COP1: variants seen among roughly 807,000 people sequenced by gnomAD.
COP1 encodes the protein COP1 E3 ubiquitin ligase.
COP1 carries 24 observed loss-of-function variants against 101.3 expected under a neutral mutation model. The ratio of observed to expected loss-of-function variants is 0.24; its 90% CI spans 0.17 to 0.33. The LOEUF (loss-of-function observed/expected upper bound fraction) is 0.33. COP1 is among the 10% of genes least tolerant of loss of function. The pLI is 1.00. For missense variants in COP1, 663 were observed against 906.2 expected (o/e 0.73, Z 3.45); for synonymous variants, 347 against 341.9 (o/e 1.01, Z -0.17).
chr1:175,956,028 A>G (rs1650607507), intron 18 of COP1, among the ~76,000 whole-genome samples: 2 of 152,216 alleles, frequency 1.3e-5, no homozygotes, highest in South Asian at 4.1e-4. Context: ...CAAAGACATT[A>G]TAATAGTTAA....
intron 5 of COP1, among the ~76,000 whole-genome samples, chr1:176,161,609 A>T (rs1292531247): frequency 6.6e-6 from 1 of 152,124 alleles, no homozygotes; most frequent in Non-Finnish European, 1.5e-5. Flanking sequence ...CCCTTAAAAA[A>T]AAAAGAAAGT....
intron 18 of COP1, among the ~76,000 whole-genome samples, chr1:175,981,709 G>A (rs1406529796): frequency 6.6e-6 from 1 of 152,058 alleles, no homozygotes; most frequent in African/African-American, 2.4e-5. Context: ...AGAGTGAAAA[G>A]ACAACATGTG....
Position 176,085,761 on chromosome 1 carries a change from G to C in COP1, c.1141+15C>G. 7.1e-7 allele frequency: 1 copy of C among 1,401,648 alleles called. No homozygotes were observed. The highest frequency in any genetic ancestry group is 1.0e-6 in the Non-Finnish European group (1 of 998,962). 86.8% of individuals were successfully genotyped at this position (1,401,648 alleles called of 1,614,324 possible). A position where few individuals can be genotyped will look rare whatever the true frequency, so the allele number is the denominator to read the frequency against. ...ATGTAGATTTCAGATAATTTGAGAA[G>C]GTCTAAATATATACCTGAGATACGA... On this transcript the variant is annotated intron_variant, in intron 10 of 19. Coordinates refer to ENST00000367669, the MANE Select transcript of COP1 (RefSeq NM_022457.7).
intron 11 of COP1, among the ~76,000 whole-genome samples, chr1:176,049,409 A>C (rs576551489): frequency 1.3e-5 from 2 of 152,192 alleles, no homozygotes; most frequent in Admixed American, 1.3e-4. Context: ...TAATATATTA[A>C]GGTATCAAGA....
chr1:175,998,053 AGAGTAT>A (rs1288132880), intron 15 of COP1, among the ~76,000 whole-genome samples: 1 of 128,268 alleles, frequency 7.8e-6, no homozygotes, highest in Non-Finnish European at 1.6e-5. Context: ...CCTAAAACTT[AGAGTAT>A]AATTAAAAAA....
Position 176,179,168 on chromosome 1 carries a change from T to C in COP1, c.468-3161A>G, listed in dbSNP as rs760252771. 8.6e-5 allele frequency among the ~76,000 whole-genome samples: 13 copies of C among 151,684 alleles called. 1 individual carries two copies. The highest frequency in any genetic ancestry group is 6.6e-4 in the Admixed American group (10 of 15,214). ...TAGCGGGCATATTGGTGCACACCTATAGTCCTAGCTACTCAGTAGGCCGAG... is the reference window on the plus strand; with the variant it reads ...TAGCGGGCATATTGGTGCACACCTACAGTCCTAGCTACTCAGTAGGCCGAG... On this transcript the variant is annotated intron_variant, in intron 2 of 19. Coordinates refer to ENST00000367669, the MANE Select transcript of COP1 (RefSeq NM_022457.7).
At chr1:176,074,714 A>T (rs1013800046) in intron 11 of COP1, among the ~76,000 whole-genome samples, 1 of 151,990 alleles carries the variant, frequency 6.6e-6, no homozygotes, top group Non-Finnish European at 1.5e-5. Flanking sequence ...ATTCAACACT[A>T]CATTAAATCA....
chr1:176,157,476 A>G (rs1693654031), intron 5 of COP1, among the ~76,000 whole-genome samples: 2 of 152,176 alleles, frequency 1.3e-5, no homozygotes, highest in Admixed American at 6.5e-5. Context: ...TGCTTTCCAG[A>G]CAAAGGGCCA....
At chr1:176,197,187 C>T (rs938679999) in intron 1 of COP1, among the ~76,000 whole-genome samples, 7 of 152,106 alleles carry the variant, frequency 4.6e-5, no homozygotes, top group African/African-American at 1.7e-4. Context: ...TGAGAGGTGA[C>T]AAAGCTATGA....
chr1:175,992,316 C>G (rs758594608), intron 15 of COP1, among the ~76,000 whole-genome samples: 1 of 152,152 alleles, frequency 6.6e-6, no homozygotes, highest in Non-Finnish European at 1.5e-5. Flanking sequence ...CCAGAGTGAG[C>G]GACGCAGAAG....
rs759451215 is a variant in COP1, at chr1:176,085,784, C to T, written c.1133G>A (p.Arg378His). 3.8e-6 allele frequency: 6 copies of T among 1,576,474 alleles called. No individual in the cohort carries two copies. Among genetic ancestry groups the T allele is most frequent in the Admixed American group, 3.4e-5 (2 of 59,398 alleles). The change falls in exon 10 of 20, where the codon CGT becomes CAT. Residue 378 changes from arginine to histidine, a missense_variant. By Grantham distance (29) the Arg-to-His change is conservative. Coordinates refer to ENST00000367669, the MANE Select transcript of COP1 (RefSeq NM_022457.7). ...AAGGTCTAAATATATACCTGAGATA[C>T]GAGACATCCTTGTAGAAAAGTAACA... ...EQCYFSTRMSRISDDSRTASQ... is the reference protein window; with the variant it reads ...EQCYFSTRMSHISDDSRTASQ...
chr1:176,082,115 A>C lies in COP1; in HGVS notation c.1142-828T>G, dbSNP rs1679255369. Among the ~76,000 whole-genome samples, 3 of 152,208 alleles carry C rather than the reference A, an allele frequency of 2.0e-5. No homozygotes were observed. The South Asian group carries it at 6.2e-4, about 31-fold the overall frequency. The stretch of plus-strand genomic sequence containing the variant: ...ATTAATAGAAGCAGACCTACACTAA[A>C]AGCATAGATTTAAAAAATCATTGCT... On this transcript the variant is annotated intron_variant, in intron 10 of 19. Transcript: ENST00000367669.
intron 18 of COP1, among the ~76,000 whole-genome samples, chr1:175,964,425 G>A (rs142750700): frequency 6.6e-6 from 1 of 151,944 alleles, no homozygotes; most frequent in Non-Finnish European, 1.5e-5. Context: ...TTTTACTGGG[G>A]AAAAAAAGCC....
intron 18 of COP1, among the ~76,000 whole-genome samples, chr1:175,971,358 A>G (rs1269444680): frequency 6.6e-6 from 1 of 152,202 alleles, no homozygotes; most frequent in African/African-American, 2.4e-5. Context: ...ACTTAATCAG[A>G]TAAAATTTAT....
chr1:176,190,504 G>C (rs1051002020), intron 1 of COP1, among the ~76,000 whole-genome samples: 1 of 143,716 alleles, frequency 7.0e-6, no homozygotes, highest in African/African-American at 2.5e-5. Flanking sequence ...CTTGCCAAAA[G>C]ATAATGTATG....
chr1:176,063,142 C>T (rs554446249), intron 11 of COP1, among the ~76,000 whole-genome samples: 1 of 138,292 alleles, frequency 7.2e-6, no homozygotes, highest in African/African-American at 2.7e-5. Context: ...TCACTGCAAG[C>T]TCCGCTTCCT....
chr1:176,036,590 G>A (rs906344572), intron 14 of COP1, among the ~76,000 whole-genome samples: 2 of 150,444 alleles, frequency 1.3e-5, no homozygotes, highest in Non-Finnish European at 3.0e-5. Flanking sequence ...AATTTAAATA[G>A]CTCAACTTAT....
chr1:176,057,624 CG>C (rs1431745475), intron 11 of COP1, among the ~76,000 whole-genome samples: 1 of 152,156 alleles, frequency 6.6e-6, no homozygotes, highest in African/African-American at 2.4e-5. Flanking sequence ...GACGGAGTCT[CG>C]TTCACTCAGT....
At position 175,998,253 on chromosome 1, in the gene COP1, T is replaced by C. The variant is rs556344324; in HGVS notation, c.1730-8774A>G. 1.0e-3 allele frequency among the ~76,000 whole-genome samples: 156 copies of C among 150,868 alleles called. 1 individual carries two copies. The highest frequency in any genetic ancestry group is 3.5e-3 in the African/African-American group (142 of 41,090). ...ACATATTCTCACTCATAGGTGGGAATTGAACAATGAGAACACATGGACACA... is the reference window on the plus strand; with the variant it reads ...ACATATTCTCACTCATAGGTGGGAACTGAACAATGAGAACACATGGACACA... On this transcript the variant is annotated intron_variant, in intron 15 of 19. Coordinates refer to ENST00000367669, the MANE Select transcript of COP1 (RefSeq NM_022457.7).
Sources: allele counts gnomAD v4.1 joint callset (sites outside exome capture counted in the v4.1 genomes callset), GRCh38; gene constraint gnomAD v4.1.1; transcripts MANE v1.5; gene names NCBI Gene and HGNC (gene_info 2026-07-23, HGNC 2026-07-21).